The following GHR variants were observed in gnomAD, a reference collection of about 807,000 sequenced individuals.
The protein encoded by GHR is growth hormone receptor, also known as GH receptor.
GHR carries 35 observed loss-of-function variants against 67.1 expected under a neutral mutation model. That is an observed-to-expected ratio of 0.52 (90% CI 0.40 to 0.69). GHR has a LOEUF of 0.69. GHR is among the 30% of genes least tolerant of loss of function. The pLI, the probability that GHR is intolerant of heterozygous loss-of-function variation, is 0.00. For synonymous variants in GHR, 272 were observed against 269.1 expected (o/e 1.01, Z -0.10); for missense variants, 792 against 764.6 (o/e 1.04, Z -0.42).
At chr5:42,516,168 T>C (rs951315115) in intron 1 of GHR, among the ~76,000 whole-genome samples, 3 of 152,208 alleles carry the variant, frequency 2.0e-5, no homozygotes, top group African/African-American at 4.8e-5. Flanking sequence ...GTCTCAAAGC[T>C]GGTGTAGAAA....
At chr5:42,548,140 T>C (rs1353642576) in intron 1 of GHR, 1 of 984,348 alleles carries the variant, frequency 1.0e-6, no homozygotes, top group African/African-American at 1.7e-5. Flanking sequence ...CCCAGAGATG[T>C]ACTGGGCAAA....
intron 1 of GHR, among the ~76,000 whole-genome samples, chr5:42,436,799 G>A (rs1743347701): frequency 1.3e-5 from 2 of 152,096 alleles, no homozygotes; most frequent in African/African-American, 2.4e-5. Context: ...TTTATGTTTT[G>A]AGTGGCCCAA....
At position 42,699,985 on chromosome 5, in the gene GHR, G is replaced by T. The variant is rs1421430484; in HGVS notation, c.601G>T (p.Glu201Ter). The change falls in exon 6 of 10, where the codon GAA (glutamate) becomes TAA (stop). Residue 201 changes from glutamate (E) to a stop codon, truncating the protein, a stop_gained. Coordinates refer to ENST00000230882, the MANE Select transcript of GHR (RefSeq NM_000163.5). LOFTEE classifies it high-confidence loss of function. ...EYELQYKEVN[E>*]TKWKMMDPIL... Reference sequence around the variant, plus strand: ...TGAACTTCAATACAAAGAAGTAAATGAAACTAAATGGAAAATGGTAAGATG... The same window carrying T: ...TGAACTTCAATACAAAGAAGTAAATTAAACTAAATGGAAAATGGTAAGATG... The T allele has an allele frequency of 6.3e-7, 1 of 1,597,034 alleles. No individual in the cohort carries two copies. Among genetic ancestry groups the T allele is most frequent in the Admixed American group, 1.7e-5 (1 of 59,830 alleles).
At chr5:42,540,054 A>G (rs997045644) in intron 1 of GHR, among the ~76,000 whole-genome samples, 1 of 152,184 alleles carries the variant, frequency 6.6e-6, no homozygotes, top group Non-Finnish European at 1.5e-5. Context: ...TTTTCTGCAC[A>G]TTCGAATAAT....
At chr5:42,488,606 T>C (rs1745981583) in intron 1 of GHR, among the ~76,000 whole-genome samples, 2 of 152,196 alleles carry the variant, frequency 1.3e-5, no homozygotes, top group Non-Finnish European at 2.9e-5. Flanking sequence ...CTGAACTCTT[T>C]AGCATATGTA....
chr5:42,695,155 G>A (rs570760164), intron 5 of GHR, 66 bp downstream of exon 5: 1 of 1,089,102 alleles, frequency 9.2e-7, no homozygotes, highest in Non-Finnish European at 1.4e-6. Context: ...AGCCTGCAAG[G>A]TCCAAGTATA....
chr5:42,468,905 C>A (rs1744872312), intron 1 of GHR: 1 of 626,854 alleles, frequency 1.6e-6, no homozygotes, highest in African/African-American at 1.9e-5. Flanking sequence ...CGGATTGCAG[C>A]GGGCTGCGCC....
chr5:42,630,407 CTTG>C lies in GHR; in HGVS notation c.136+1310_136+1312del, dbSNP rs1294969992. Among the ~76,000 whole-genome samples, 4 of 132,036 alleles carry C rather than the reference CTTG, an allele frequency of 3.0e-5. No homozygotes were observed. In the East Asian group the frequency reaches 8.2e-4, roughly 27 times the overall value. The allele number at this position is 132,036 out of a possible 152,430, so 86.6% of individuals were successfully genotyped here. A position where few individuals can be genotyped will look rare whatever the true frequency, so the allele number is the denominator to read the frequency against. On this transcript the variant is annotated intron_variant, in intron 3 of 9. Transcript: ENST00000230882. ...CTAAATCAGTTAAGATATTGCTATT[CTTG>C]TTGTTATTCTAGAGTCACGAAATCA... is the stretch of plus-strand genomic sequence containing the variant.
intron 1 of GHR, among the ~76,000 whole-genome samples, chr5:42,523,793 A>G (rs1184658699): frequency 6.6e-6 from 1 of 152,166 alleles, no homozygotes; most frequent in East Asian, 1.9e-4. Context: ...TATGGGAGGC[A>G]CCCAGGGGGT....
rs560759250 is a variant in GHR, at chr5:42,499,913, A to G, written c.-11-65951A>G. Among the ~76,000 whole-genome samples, 4 of 152,364 alleles carry G rather than the reference A, an allele frequency of 2.6e-5. No homozygotes were observed. The East Asian group carries it at 7.7e-4, about 29-fold the overall frequency. On this transcript the variant is annotated intron_variant, in intron 1 of 9. Transcript: ENST00000230882. ...TAAATGTGTGAAACACGCCAGTTGC[A>G]CACAGGCAAGCATATGTCCCTTCTA... is the stretch of plus-strand genomic sequence containing the variant.
intron 1 of GHR, among the ~76,000 whole-genome samples, chr5:42,513,864 G>T (rs909269035): frequency 2.0e-5 from 3 of 152,156 alleles, no homozygotes; most frequent in African/African-American, 7.2e-5. Flanking sequence ...GCTCATGTGT[G>T]TTACCTTCCT....
At chr5:42,622,995 A>G (rs1217268948) in intron 2 of GHR, among the ~76,000 whole-genome samples, 1 of 152,178 alleles carries the variant, frequency 6.6e-6, no homozygotes, top group African/African-American at 2.4e-5. Context: ...CTAAGTGCAC[A>G]AAGTCTAATG....
At chr5:42,548,322 T>C in intron 1 of GHR, 1 of 985,216 alleles carries the variant, frequency 1.0e-6, no homozygotes, top group Non-Finnish European at 1.2e-6. Context: ...TAGAGATTAA[T>C]ACATGCCAAG....
chr5:42,445,502 G>T (rs918934853), intron 1 of GHR, among the ~76,000 whole-genome samples: 37 of 152,112 alleles, frequency 2.4e-4, no homozygotes, highest in African/African-American at 8.5e-4. Context: ...AGTATGTTCT[G>T]CCTGGAAAAG....
chr5:42,586,252 C>A (rs1018775894), intron 2 of GHR, among the ~76,000 whole-genome samples: 2 of 152,074 alleles, frequency 1.3e-5, no homozygotes, highest in Non-Finnish European at 2.9e-5. Flanking sequence ...TCCTATTTTT[C>A]TTCCTCCCAA....
chr5:42,649,884 G>A (rs1440913474), intron 3 of GHR, among the ~76,000 whole-genome samples: 6 of 152,180 alleles, frequency 3.9e-5, no homozygotes, highest in Non-Finnish European at 2.9e-5. Flanking sequence ...GACAGGTTGA[G>A]AAAACTGAAA....
chr5:42,486,846 CAAA>C (rs367995012), intron 1 of GHR, among the ~76,000 whole-genome samples: 10 of 58,086 alleles, frequency 1.7e-4, no homozygotes, highest in Admixed American at 3.8e-4. Flanking sequence ...GACTCCGTCT[CAAA>C]AAAAAAAAAA....
At chr5:42,488,308 TGAG>T (rs1475468054) in intron 1 of GHR, among the ~76,000 whole-genome samples, 1 of 152,212 alleles carries the variant, frequency 6.6e-6, no homozygotes, top group Non-Finnish European at 1.5e-5. Flanking sequence ...ATGGGAAAAC[TGAG>T]GTCCAGGATA....
chr5:42,714,974 T>C (rs773439617), intron 8 of GHR: 13 of 270,010 alleles, frequency 4.8e-5, no homozygotes, highest in Non-Finnish European at 9.5e-5. Flanking sequence ...CAAGTCAATT[T>C]GTTATGTTGT....
Sources: allele counts gnomAD v4.1 joint callset (sites outside exome capture counted in the v4.1 genomes callset), GRCh38; gene constraint gnomAD v4.1.1; transcripts MANE v1.5; gene names NCBI Gene and HGNC (gene_info 2026-07-23, HGNC 2026-07-21).